Variants in EIF4EBP2 observed in about 807,000 individuals in gnomAD.
EIF4EBP2 encodes eukaryotic translation initiation factor 4E binding protein 2, also known as eukaryotic translation initiation factor 4E-binding protein 2.
EIF4EBP2 carries 5 observed loss-of-function variants against 10.3 expected under a neutral mutation model. The ratio of observed to expected loss-of-function variants is 0.48; its 90% CI spans 0.25 to 1.02. EIF4EBP2 has a LOEUF of 1.02. EIF4EBP2 is among the 50% of genes least tolerant of loss of function. EIF4EBP2 has a pLI of 0.15. For missense variants in EIF4EBP2, 188 were observed against 162.2 expected (o/e 1.16, Z -0.86); for synonymous variants, 67 against 61.1 (o/e 1.10, Z -0.45).
chr10:70,406,145 T>C (rs540998655), intron 1 of EIF4EBP2, among the ~76,000 whole-genome samples: 30 of 152,268 alleles, frequency 2.0e-4, no homozygotes, highest in African/African-American at 7.0e-4. Context: ...CACGCCTGGC[T>C]AATTTTTTTG....
Position 70,425,087 on chromosome 10 carries a change from G to C in EIF4EBP2, c.*3340G>C, listed in dbSNP as rs1845193157. On this transcript the variant is annotated 3_prime_UTR_variant, in exon 3 of 3. Transcript: ENST00000373218. Reference sequence around the variant, plus strand: ...ATTGAACAGGGGCTGCAGTCAGCTGGAGCTGGAGAAACCACTTCCAAGTTC... The same window carrying C: ...ATTGAACAGGGGCTGCAGTCAGCTGCAGCTGGAGAAACCACTTCCAAGTTC... The C allele has an allele frequency of 6.6e-6, 1 of 152,308 alleles. No individual in the cohort carries two copies. The highest frequency in any genetic ancestry group is 1.5e-5 in the Non-Finnish European group (1 of 68,108). The allele number at this position is 152,308 out of a possible 1,614,324, so 9.4% of individuals were successfully genotyped here.
intron 1 of EIF4EBP2, among the ~76,000 whole-genome samples, chr10:70,417,897 C>T (rs1422708646): frequency 6.6e-6 from 1 of 152,174 alleles, no homozygotes. Context: ...GGCCATCAGA[C>T]CCCCTTTCAG....
intron 1 of EIF4EBP2, among the ~76,000 whole-genome samples, chr10:70,409,403 G>C (rs1389860789): frequency 6.6e-6 from 1 of 152,112 alleles, no homozygotes; most frequent in African/African-American, 2.4e-5. Flanking sequence ...AGTTACTATA[G>C]TTGGCTCCAC....
At chr10:70,411,323 A>G (rs1322206401) in intron 1 of EIF4EBP2, among the ~76,000 whole-genome samples, 1 of 152,106 alleles carries the variant, frequency 6.6e-6, no homozygotes, top group Non-Finnish European at 1.5e-5. Context: ...GGAACCACGT[A>G]GTAATTGTCC....
At chr10:70,416,765 A>G (rs1277897830) in intron 1 of EIF4EBP2, among the ~76,000 whole-genome samples, 1 of 151,088 alleles carries the variant, frequency 6.6e-6, no homozygotes, top group Admixed American at 6.6e-5. Flanking sequence ...CCTGGGCTTA[A>G]GTGATCCTCC....
At chr10:70,415,263 G>A (rs1845082687) in intron 1 of EIF4EBP2, among the ~76,000 whole-genome samples, 1 of 151,962 alleles carries the variant, frequency 6.6e-6, no homozygotes, top group South Asian at 2.1e-4. Context: ...CTTTTACTCT[G>A]GAAACTACAA....
At chr10:70,406,119 C>T (rs745480990) in intron 1 of EIF4EBP2, among the ~76,000 whole-genome samples, 2 of 152,038 alleles carry the variant, frequency 1.3e-5, no homozygotes, top group Non-Finnish European at 2.9e-5. Context: ...GTAGCTGGAC[C>T]ACAGGCACGT....
rs1345863245 is a variant in EIF4EBP2 at position 70,420,018 on chromosome 10, C to T, written c.250C>T (p.Pro84Ser). The change falls in exon 2 of 3, where the codon CCT becomes TCT. Residue 84 changes from proline to serine, a missense_variant. Physicochemically the swap from Pro to Ser is moderately conservative, Grantham distance 74. Coordinates refer to ENST00000373218, the MANE Select transcript of EIF4EBP2 (RefSeq NM_004096.5). Reference protein sequence around the residue: ...HLPNIPGVTSPGTLIEDSKVE... With the variant: ...HLPNIPGVTSSGTLIEDSKVE... ...GCCCAATATCCCAGGAGTCACTAGC[C>T]CTGGCACCTTAATTGAAGACTCCAA... The T allele has an allele frequency of 6.2e-7, 1 of 1,613,370 alleles. No individual in the cohort carries two copies. The highest frequency in any genetic ancestry group is 2.2e-5 in the East Asian group (1 of 44,790).
At chr10:70,416,665 ATTT>A (rs55809354) in intron 1 of EIF4EBP2, among the ~76,000 whole-genome samples, 523 of 101,288 alleles carry the variant, frequency 5.2e-3, no homozygotes, top group African/African-American at 0.017. Flanking sequence ...TAATTTTTTA[ATTT>A]TTTTTTTTTT....
chr10:70,416,866 C>T (rs1339576884), intron 1 of EIF4EBP2, among the ~76,000 whole-genome samples: 1 of 151,954 alleles, frequency 6.6e-6, no homozygotes, highest in South Asian at 2.1e-4. Flanking sequence ...GGGATTTTGC[C>T]ATGTTGCCCA....
chr10:70,413,119 A>T (rs1317450406), intron 1 of EIF4EBP2, among the ~76,000 whole-genome samples: 1 of 152,142 alleles, frequency 6.6e-6, no homozygotes, highest in Non-Finnish European at 1.5e-5. Context: ...AGATACTTTT[A>T]TTACTTTCTG....
At position 70,404,500 on chromosome 10, in the gene EIF4EBP2, CTA is replaced by C; in HGVS notation, c.101_102del (p.Tyr34LeufsTer21). ...ISDAAQLPHD[Y>X]CTTPGGTLFS... is the part of the protein sequence containing the mutation. ...GCGACGCCGCGCAGCTACCTCATGA[CTA>C]TTGCACCACGCCCGGGGGGACGCTC... On this transcript the variant is annotated frameshift_variant, in exon 1 of 3. Transcript: ENST00000373218. LOFTEE classifies it high-confidence loss of function. 6.3e-7 allele frequency: 1 copy of C among 1,595,984 alleles called. No homozygotes were observed.
chr10:70,419,564 A>G (rs1845133353), intron 1 of EIF4EBP2, among the ~76,000 whole-genome samples: 1 of 152,092 alleles, frequency 6.6e-6, no homozygotes, highest in African/African-American at 2.4e-5. Flanking sequence ...CTCAGAGTCT[A>G]TAAAGAGAGA....
chr10:70,411,739 GC>G (rs1489486738), intron 1 of EIF4EBP2, among the ~76,000 whole-genome samples: 1 of 152,112 alleles, frequency 6.6e-6, no homozygotes, highest in Non-Finnish European at 1.5e-5. Context: ...ATAGGTGTGA[GC>G]CCCTATGCCC....
chr10:70,420,934 A>G (rs1845149770), intron 2 of EIF4EBP2, among the ~76,000 whole-genome samples: 1 of 152,064 alleles, frequency 6.6e-6, no homozygotes, highest in Non-Finnish European at 1.5e-5. Context: ...AGCTGGGGCT[A>G]CAGGCGCCTG....
rs1342903894 is a variant in EIF4EBP2 at position 70,425,552 on chromosome 10, A to G, written c.*3805A>G. On this transcript the variant is annotated 3_prime_UTR_variant, in exon 3 of 3. Transcript: ENST00000373218. ...CATAGCCAAACTGGGATAGAAGGCA[A>G]ACTCCCCAAAGCTACCTGCTGGTTT... The G allele has an allele frequency of 6.6e-6, 1 of 152,238 alleles. No individual in the cohort carries two copies. The highest frequency in any genetic ancestry group is 1.9e-4 in the East Asian group (1 of 5,200). 9.4% of individuals were successfully genotyped at this position (152,238 alleles called of 1,614,324 possible).
chr10:70,419,612 T>C (rs1845133795), intron 1 of EIF4EBP2, among the ~76,000 whole-genome samples: 1 of 147,896 alleles, frequency 6.8e-6, no homozygotes, highest in Non-Finnish European at 1.5e-5. Context: ...ACATGATGTG[T>C]GTAAGATGGA....
At chr10:70,408,815 A>T (rs927053194) in intron 1 of EIF4EBP2, among the ~76,000 whole-genome samples, 1 of 152,238 alleles carries the variant, frequency 6.6e-6, no homozygotes, top group African/African-American at 2.4e-5. Flanking sequence ...TAAGATTTTT[A>T]GTTCTGAAAG....
At chr10:70,421,145 A>G (rs1845153401) in intron 2 of EIF4EBP2, among the ~76,000 whole-genome samples, 1 of 152,136 alleles carries the variant, frequency 6.6e-6, no homozygotes, top group Non-Finnish European at 1.5e-5. Flanking sequence ...GAAAAGCGGT[A>G]TGGTTTATTT....
Sources: gnomAD v4.1 joint callset for allele counts (sites outside exome capture counted in the v4.1 genomes callset) on GRCh38, gnomAD v4.1.1 for gene constraint, MANE v1.5 for transcripts, NCBI Gene and HGNC (gene_info 2026-07-23, HGNC 2026-07-21) for gene names.